The following DOC2B variants were observed in gnomAD, a reference collection of about 807,000 sequenced individuals.
DOC2B encodes the protein double C2 domain beta.
Under a neutral mutation model 28.9 loss-of-function variants are expected in DOC2B, and 21 were observed. The observed-to-expected ratio is 0.73, with a 90% CI of 0.52 to 1.05. The LOEUF (loss-of-function observed/expected upper bound fraction) is 1.05. DOC2B is among the 50% of genes least tolerant of loss of function. The probability of loss-of-function intolerance (pLI) is 0.00; values close to 1 mark genes in which losing one functional copy is unlikely to be tolerated. For synonymous variants in DOC2B, 194 were observed against 178.1 expected, an observed-to-expected ratio of 1.09 and a Z score of -0.71; for missense variants, 384 against 421.1, an observed-to-expected ratio of 0.91 and a Z score of 0.77.
chr17:165,868 T>C (rs569437594), intron 2 of DOC2B, among the ~76,000 whole-genome samples: 1 of 152,378 alleles, frequency 6.6e-6, no homozygotes, highest in African/African-American at 2.4e-5. Context: ...TGTCTTATTC[T>C]TACAGTCCTT....
intron 6 of DOC2B, among the ~76,000 whole-genome samples, chr17:153,604 G>C (rs2040096528): frequency 6.6e-6 from 1 of 152,068 alleles, no homozygotes; most frequent in African/African-American, 2.4e-5. Context: ...GGGAAGCTGA[G>C]GGATGAGAAC....
Position 143,862 on chromosome 17 carries a change from TA to T in DOC2B, c.*3578del, listed in dbSNP as rs2040000475. The T allele has an allele frequency of 6.6e-6, 1 of 152,210 alleles. No homozygotes were observed. Among genetic ancestry groups the T allele is most frequent in the Admixed American group, 6.5e-5 (1 of 15,292 alleles). 9.4% of individuals were successfully genotyped at this position (152,210 alleles called of 1,614,324 possible). A position where few individuals can be genotyped will look rare whatever the true frequency, so the allele number is the denominator to read the frequency against. On this transcript the variant is annotated 3_prime_UTR_variant, in exon 9 of 9. Transcript: ENST00000613549. ...CCGTCACATGGCAGCAAAACGGGGT[TA>T]AGCAGTGCACGAGAGTCTGCGTCGA... is the stretch of plus-strand genomic sequence containing the variant.
chr17:163,575 C>G (rs1454986757), intron 3 of DOC2B: 1 of 152,520 alleles, frequency 6.6e-6, no homozygotes, highest in African/African-American at 2.4e-5. Flanking sequence ...CAATTTTTCT[C>G]TCTCCTGTCC....
chr17:151,091 C>T (rs1042157686), intron 6 of DOC2B, among the ~76,000 whole-genome samples: 2 of 152,042 alleles, frequency 1.3e-5, no homozygotes, highest in Non-Finnish European at 1.5e-5. Flanking sequence ...GGTGATACAG[C>T]GAGACCCCAT....
At chr17:174,684 C>G (rs1002492209) in intron 1 of DOC2B, among the ~76,000 whole-genome samples, 1 of 152,204 alleles carries the variant, frequency 6.6e-6, no homozygotes, top group Non-Finnish European at 1.5e-5. Context: ...CATTTTTCTG[C>G]CTCTTCCTTT....
chr17:158,775 T>A (rs2040164885), intron 5 of DOC2B, among the ~76,000 whole-genome samples: 1 of 152,132 alleles, frequency 6.6e-6, no homozygotes, highest in Non-Finnish European at 1.5e-5. Flanking sequence ...CCAGGCACAG[T>A]GACTCATGCC....
intron 5 of DOC2B, among the ~76,000 whole-genome samples, chr17:158,756 T>C (rs2396789): frequency 0.87 from 132,606 of 152,224 alleles, 58,005 homozygotes; most frequent in Admixed American, 0.91. Context: ...CAATATAAAC[T>C]AGCAGGGGCC....
intron 1 of DOC2B, among the ~76,000 whole-genome samples, chr17:177,425 C>T (rs2040382824): frequency 1.3e-5 from 2 of 152,228 alleles, no homozygotes; most frequent in South Asian, 2.1e-4. Context: ...TTTGCCTACA[C>T]TGGGCTGAGT....
intron 2 of DOC2B, among the ~76,000 whole-genome samples, chr17:164,703 C>T (rs547097217): frequency 6.6e-6 from 1 of 152,286 alleles, no homozygotes; most frequent in African/African-American, 2.4e-5. Context: ...AGACTGGCCA[C>T]AGAGGGTCCC....
At chr17:148,098 G>C (rs1017292443) in intron 8 of DOC2B, 75 bp downstream of exon 8, 18 of 398,070 alleles carry the variant, frequency 4.5e-5, no homozygotes, top group African/African-American at 3.3e-4. Context: ...TTTCCCCATG[G>C]ACCAGGAAAG....
intron 5 of DOC2B, among the ~76,000 whole-genome samples, chr17:160,866 G>A (rs1445474355): frequency 1.3e-5 from 2 of 152,126 alleles, no homozygotes; most frequent in East Asian, 1.9e-4. Flanking sequence ...TCTCCTCTGC[G>A]TATCTCACAG....
intron 1 of DOC2B, among the ~76,000 whole-genome samples, chr17:179,398 C>CAAAAAAAAAAAAA (rs770987974): frequency 7.2e-6 from 1 of 139,032 alleles, no homozygotes; most frequent in Non-Finnish European, 1.5e-5. Context: ...TCAGAGACAG[C>CAAAAAAAAAAAAA]AAAAAAAAGA....
At chr17:160,256 C>T (rs2040185928) in intron 5 of DOC2B, among the ~76,000 whole-genome samples, 1 of 152,208 alleles carries the variant, frequency 6.6e-6, no homozygotes, top group South Asian at 2.1e-4. Flanking sequence ...TGTTGCCTTT[C>T]TTAAGTGACA....
chr17:162,093 C>A lies in DOC2B; in HGVS notation c.626G>T (p.Arg209Leu), dbSNP rs369343321. The change falls in exon 4 of 9, where the codon CGC becomes CTC. Residue 209 changes from arginine to leucine, a missense_variant. Transcript: ENST00000613549. ...YYGITDEDMI[R>L]KTLRISVCDE... Reference sequence around the variant, plus strand: ...GACCCTCACCCACCGCAGGGTCTTGCGGATCATGTCTTCATCTGTGATCCC... The same window carrying A: ...GACCCTCACCCACCGCAGGGTCTTGAGGATCATGTCTTCATCTGTGATCCC... 56 of 1,550,770 alleles carry A rather than the reference C, an allele frequency of 3.6e-5. No individual in the cohort carries two copies. Among genetic ancestry groups the A allele is most frequent in the Non-Finnish European group, 4.8e-5 (55 of 1,146,236 alleles).
chr17:162,762 C>A (rs1038651497), intron 3 of DOC2B, among the ~76,000 whole-genome samples: 2 of 152,238 alleles, frequency 1.3e-5, no homozygotes, highest in African/African-American at 4.8e-5. Flanking sequence ...CAGCCCGATG[C>A]CACGGGGTAG....
At chr17:163,686 C>T (rs142553344) in intron 3 of DOC2B, 2 of 161,432 alleles carry the variant, frequency 1.2e-5, no homozygotes, top group Middle Eastern at 3.2e-3. Context: ...CTTCATCCCC[C>T]TTGCGGAGAG....
rs2040234100 is a variant in DOC2B at position 164,071 on chromosome 17, C to T, written c.528+59G>A. On this transcript the variant is annotated intron_variant, in intron 3 of 8. Coordinates refer to ENST00000613549, the MANE Select transcript of DOC2B (RefSeq NM_003585.5). ...GCCCCAAAGCAAAAGGACCAGAGTG[C>T]ATTGCCTGAGGTGGTGGGCGGGTGC... 8.9e-6 allele frequency: 12 copies of T among 1,346,378 alleles called. No homozygotes were observed. In the Admixed American group the frequency reaches 1.4e-4, roughly 16 times the overall value. The allele number at this position is 1,346,378 out of a possible 1,614,324, so 83.4% of individuals were successfully genotyped here. A position where few individuals can be genotyped will look rare whatever the true frequency, so the allele number is the denominator to read the frequency against.
intron 1 of DOC2B, among the ~76,000 whole-genome samples, chr17:176,551 G>T (rs1008747188): frequency 7.2e-5 from 11 of 152,084 alleles, no homozygotes; most frequent in African/African-American, 2.7e-4. Flanking sequence ...TGGCCACTTT[G>T]TTTAGCTGAA....
At chr17:164,322 A>C in intron 2 of DOC2B, 118 bp from the exon 3 acceptor site, 1 of 770,602 alleles carries the variant, frequency 1.3e-6, no homozygotes, top group Non-Finnish European at 2.2e-6. Flanking sequence ...CCCCTTTCAC[A>C]GAAGCCCCCG....
Sources: gnomAD v4.1 joint callset for allele counts (sites outside exome capture counted in the v4.1 genomes callset) on GRCh38, gnomAD v4.1.1 for gene constraint, MANE v1.5 for transcripts, NCBI Gene and HGNC (gene_info 2026-07-23, HGNC 2026-07-21) for gene names.